The following TGFBR2 variants were observed in gnomAD, a reference collection of about 807,000 sequenced individuals.
TGFBR2 encodes transforming growth factor beta receptor 2.
Under a neutral mutation model 49.0 loss-of-function variants are expected in TGFBR2, and 18 were observed. That is an observed-to-expected ratio of 0.37 (90% CI 0.25 to 0.54). The LOEUF is 0.54. Among genes scored for constraint, TGFBR2 ranks in the 20% least tolerant of loss-of-function variants. TGFBR2 has a pLI of 0.85. For synonymous variants in TGFBR2, 282 were observed against 275.9 expected (o/e 1.02, Z -0.22); for missense variants, 525 against 722.6 (o/e 0.73, Z 3.13).
intron 3 of TGFBR2, among the ~76,000 whole-genome samples, chr3:30,662,745 A>G (rs182908429): frequency 1.2e-4 from 18 of 152,330 alleles, no homozygotes; most frequent in East Asian, 5.8e-4. Context: ...GAAAATTATC[A>G]TGGGCCATTT....
intron 3 of TGFBR2, among the ~76,000 whole-genome samples, chr3:30,661,982 G>A (rs1286053044): frequency 3.9e-5 from 6 of 152,240 alleles, no homozygotes; most frequent in South Asian, 2.1e-4. Flanking sequence ...CTCTTGAAAA[G>A]TAACCGAGGA....
rs536192503 is a variant in TGFBR2 at position 30,645,559 on chromosome 3, C to T, written c.263+644C>T. Among the ~76,000 whole-genome samples the T allele has an allele frequency of 5.3e-4, 77 of 146,182 alleles. 1 individual carries two copies. In the South Asian group the frequency reaches 0.016, roughly 31 times the overall value. On this transcript the variant is annotated intron_variant, in intron 2 of 6. Coordinates refer to ENST00000295754, the MANE Select transcript of TGFBR2 (RefSeq NM_003242.6). ...AGAGTGCCATGGCACAATCTTGGCT[C>T]ACCGCAACCTCCACCTCCCAGGTTC...
chr3:30,677,201 G>C (rs185309048), intron 5 of TGFBR2, among the ~76,000 whole-genome samples: 2 of 152,106 alleles, frequency 1.3e-5, no homozygotes, highest in African/African-American at 4.8e-5. Context: ...GTTGATATTT[G>C]CTGAGTGTGG....
At chr3:30,670,313 T>C (rs538183376) in intron 3 of TGFBR2, among the ~76,000 whole-genome samples, 1 of 152,318 alleles carries the variant, frequency 6.6e-6, no homozygotes, top group South Asian at 2.1e-4. Context: ...ATTTAGCCCC[T>C]ATCCCAGATG....
chr3:30,640,160 A>C (rs181570678), intron 1 of TGFBR2, among the ~76,000 whole-genome samples: 13 of 152,338 alleles, frequency 8.5e-5, no homozygotes, highest in Non-Finnish European at 1.8e-4. Context: ...GATATTACTC[A>C]TGGGCTTATT....
At chr3:30,658,591 G>T (rs948915194) in intron 3 of TGFBR2, among the ~76,000 whole-genome samples, 7 of 152,186 alleles carry the variant, frequency 4.6e-5, no homozygotes, top group Non-Finnish European at 1.5e-5. Flanking sequence ...CTATGTGCAG[G>T]CTTTAGCATT....
chr3:30,625,979 G>T (rs1228449675), intron 1 of TGFBR2, among the ~76,000 whole-genome samples: 2 of 152,088 alleles, frequency 1.3e-5, no homozygotes, highest in East Asian at 1.9e-4. Context: ...TCTAACCCTG[G>T]CTGCACGTTA....
At chr3:30,685,852 C>T (rs1034826609) in intron 5 of TGFBR2, among the ~76,000 whole-genome samples, 2 of 152,208 alleles carry the variant, frequency 1.3e-5, no homozygotes, top group African/African-American at 4.8e-5. Context: ...GCACCAACTG[C>T]AGCTGCTACA....
intron 1 of TGFBR2, among the ~76,000 whole-genome samples, chr3:30,630,664 A>C (rs1450205907): frequency 6.6e-6 from 1 of 152,200 alleles, no homozygotes; most frequent in Non-Finnish European, 1.5e-5. Context: ...GTTGAAACTT[A>C]ATCCCCATTG....
intron 1 of TGFBR2, among the ~76,000 whole-genome samples, chr3:30,626,969 C>A (rs1435681544): frequency 6.6e-6 from 1 of 152,184 alleles, no homozygotes; most frequent in Non-Finnish European, 1.5e-5. Context: ...GGGCTAAATT[C>A]TCTGAGTCAC....
chr3:30,673,608 A>G lies in TGFBR2; in HGVS notation c.1255-497A>G, dbSNP rs1699379146. The stretch of plus-strand genomic sequence containing the variant: ...AGTAGAGATGTTATGCAATTGTACT[A>G]TATCCTTTGCACACTGGAATGTGCC... On this transcript the variant is annotated intron_variant, in intron 4 of 6. Coordinates refer to ENST00000295754, the MANE Select transcript of TGFBR2 (RefSeq NM_003242.6). Among the ~76,000 whole-genome samples, 4 of 152,320 alleles carry G rather than the reference A, an allele frequency of 2.6e-5. No individual in the cohort carries two copies. In the South Asian group the frequency reaches 6.2e-4, roughly 24 times the overall value.
chr3:30,662,467 A>G (rs28667103), intron 3 of TGFBR2, among the ~76,000 whole-genome samples: 1 of 152,206 alleles, frequency 6.6e-6, no homozygotes, highest in Admixed American at 6.5e-5. Flanking sequence ...AAATATGTGC[A>G]GTTGGAATAA....
At chr3:30,613,096 G>A (rs987183652) in intron 1 of TGFBR2, among the ~76,000 whole-genome samples, 2 of 151,500 alleles carry the variant, frequency 1.3e-5, no homozygotes, top group African/African-American at 2.4e-5. Context: ...TATGACTGGG[G>A]AGATTCTATC....
At chr3:30,637,510 G>A (rs1341459704) in intron 1 of TGFBR2, among the ~76,000 whole-genome samples, 3 of 152,162 alleles carry the variant, frequency 2.0e-5, no homozygotes, top group Non-Finnish European at 2.9e-5. Context: ...CAAGAGAGCC[G>A]GTTGATGTAG....
At chr3:30,619,126 C>T (rs763513725) in intron 1 of TGFBR2, among the ~76,000 whole-genome samples, 4 of 152,098 alleles carry the variant, frequency 2.6e-5, no homozygotes, top group Non-Finnish European at 5.9e-5. Flanking sequence ...CTTTCCATTG[C>T]AACTCATATC....
At chr3:30,677,380 A>G (rs1430648147) in intron 5 of TGFBR2, among the ~76,000 whole-genome samples, 1 of 152,190 alleles carries the variant, frequency 6.6e-6, no homozygotes, top group Non-Finnish European at 1.5e-5. Flanking sequence ...GGGAACCGGA[A>G]AGAGGCCATC....
chr3:30,643,038 T>C (rs1354294881), intron 1 of TGFBR2, among the ~76,000 whole-genome samples: 1 of 152,214 alleles, frequency 6.6e-6, no homozygotes, highest in Non-Finnish European at 1.5e-5. Flanking sequence ...TAAATTTATA[T>C]ACGTTTATAT....
chr3:30,619,629 A>G (rs971888418), intron 1 of TGFBR2, among the ~76,000 whole-genome samples: 5 of 152,050 alleles, frequency 3.3e-5, no homozygotes, highest in Admixed American at 6.5e-5. Flanking sequence ...GCTGCCTCAC[A>G]CATCCTTTTT....
chr3:30,612,895 GC>G (rs1040468277), intron 1 of TGFBR2, among the ~76,000 whole-genome samples: 1 of 152,100 alleles, frequency 6.6e-6, no homozygotes, highest in Non-Finnish European at 1.5e-5. Context: ...GAGTACTTCT[GC>G]CTTTTACTTG....
Sources: allele counts gnomAD v4.1 joint callset (sites outside exome capture counted in the v4.1 genomes callset), GRCh38; gene constraint gnomAD v4.1.1; transcripts MANE v1.5; gene names NCBI Gene and HGNC (gene_info 2026-07-23, HGNC 2026-07-21).